Variants in YTHDF2 observed in about 807,000 individuals in gnomAD.
YTHDF2 encodes YTH domain-containing family protein 2.
A neutral mutation model predicts 50.4 loss-of-function variants in YTHDF2; 2 were observed. That is an observed-to-expected ratio of 0.04 (90% CI 0.02 to 0.12). The LOEUF (loss-of-function observed/expected upper bound fraction) is 0.12. Ranked by LOEUF, YTHDF2 falls within the 10% of genes least tolerant of loss-of-function variation. YTHDF2 has a pLI of 1.00. For missense variants in YTHDF2, 483 were observed against 722.6 expected (o/e 0.67, Z 3.80); for synonymous variants, 217 against 255.6 (o/e 0.85, Z 1.44).
intron 2 of YTHDF2, among the ~76,000 whole-genome samples, chr1:28,738,018 G>A (rs1333332550): frequency 6.6e-6 from 1 of 152,088 alleles, no homozygotes; most frequent in Non-Finnish European, 1.5e-5. Context: ...GAAGCGGGAG[G>A]GAATGGAAAT....
At chr1:28,740,815 T>G (rs1418468032) in intron 3 of YTHDF2, among the ~76,000 whole-genome samples, 1 of 151,232 alleles carries the variant, frequency 6.6e-6, no homozygotes, top group African/African-American at 2.4e-5. Context: ...ACCATTCTCC[T>G]GCCTCAGCCT....
chr1:28,763,867 TTTTG>T (rs1042162559), intron 4 of YTHDF2, among the ~76,000 whole-genome samples: 3 of 96,714 alleles, frequency 3.1e-5, no homozygotes, highest in African/African-American at 1.4e-4. Context: ...AAGAACCAAC[TTTTG>T]TTTTTTTTTT....
intron 4 of YTHDF2, among the ~76,000 whole-genome samples, chr1:28,766,004 T>C (rs907317186): frequency 6.6e-6 from 1 of 152,222 alleles, no homozygotes; most frequent in African/African-American, 2.4e-5. Flanking sequence ...ATTCAGACTT[T>C]ATCAGTTGTC....
At chr1:28,754,265 C>T (rs568521529) in intron 4 of YTHDF2, among the ~76,000 whole-genome samples, 2 of 152,280 alleles carry the variant, frequency 1.3e-5, no homozygotes, top group South Asian at 2.1e-4. Context: ...AGTTGGCTCA[C>T]GCCTCTAATT....
chr1:28,761,011 C>T (rs573828524), intron 4 of YTHDF2, among the ~76,000 whole-genome samples: 1 of 151,990 alleles, frequency 6.6e-6, no homozygotes, highest in African/African-American at 2.4e-5. Context: ...TACATCCTTA[C>T]AGTGGCTTCG....
chr1:28,742,555 A>G lies in YTHDF2; in HGVS notation c.285A>G (p.Gly95=), dbSNP rs1199791305. 2 of 1,614,094 alleles carry G rather than the reference A, an allele frequency of 1.2e-6. No homozygotes were observed. The highest frequency in any genetic ancestry group is 1.7e-6 in the Non-Finnish European group (2 of 1,180,006). Residue 95 remains glycine, a synonymous_variant, in exon 4 of 5, where the codon GGA becomes GGG. Coordinates refer to ENST00000373812, the MANE Select transcript of YTHDF2 (RefSeq NM_016258.3). ...YLTSYGQLSN[G]EPHFLPDAMF... is the part of the protein sequence containing the mutation. ...CTTCTTATGGACAGCTGAGCAACGG[A>G]GAGCCCCACTTCCTACCAGATGCAA...
At chr1:28,738,438 TC>T (rs1329697401) in intron 3 of YTHDF2, 100 bp downstream of exon 3, 8 of 1,147,620 alleles carry the variant, frequency 7.0e-6, no homozygotes, top group African/African-American at 1.6e-5. Context: ...CATTTTTTTT[TC>T]TTTTTTCTGT....
At chr1:28,760,059 G>T (rs1038985797) in intron 4 of YTHDF2, among the ~76,000 whole-genome samples, 1 of 152,152 alleles carries the variant, frequency 6.6e-6, no homozygotes, top group African/African-American at 2.4e-5. Context: ...CAGTATCAGT[G>T]TCTTAACCAC....
chr1:28,737,561 C>T (rs2087713293), intron 1 of YTHDF2, 97 bp from the exon 2 acceptor site: 2 of 1,558,992 alleles, frequency 1.3e-6, no homozygotes, highest in Admixed American at 1.7e-5. Context: ...CGGGCCTGCT[C>T]CTTTATTCTC....
chr1:28,757,530 A>G (rs1006685318), intron 4 of YTHDF2, among the ~76,000 whole-genome samples: 3 of 152,194 alleles, frequency 2.0e-5, no homozygotes, highest in Non-Finnish European at 2.9e-5. Flanking sequence ...GATTTTGCCT[A>G]TATCACTTGG....
intron 4 of YTHDF2, among the ~76,000 whole-genome samples, chr1:28,767,917 C>G (rs2088242720): frequency 6.8e-6 from 1 of 147,590 alleles, no homozygotes; most frequent in South Asian, 2.2e-4. Context: ...TTAAAAAATT[C>G]TGAGGCCGGG....
intron 4 of YTHDF2, among the ~76,000 whole-genome samples, chr1:28,766,215 C>T (rs774908248): frequency 6.6e-6 from 1 of 152,136 alleles, no homozygotes; most frequent in Non-Finnish European, 1.5e-5. Context: ...AAGTGATTTC[C>T]CAGGTTGCTG....
At chr1:28,768,865 T>C in intron 4 of YTHDF2, 64 bp from the exon 5 acceptor site, 1 of 1,324,256 alleles carries the variant, frequency 7.6e-7, no homozygotes, top group Non-Finnish European at 1.0e-6. Flanking sequence ...CTGTGAAGTT[T>C]TTAAATTCAT....
At chr1:28,740,272 T>C (rs530408828) in intron 3 of YTHDF2, 26 of 152,322 alleles carry the variant, frequency 1.7e-4, no homozygotes, top group Non-Finnish European at 2.8e-4. Flanking sequence ...AGGTAGTTCT[T>C]GTAAAACATT....
intron 4 of YTHDF2, among the ~76,000 whole-genome samples, chr1:28,748,192 G>A (rs1427066784): frequency 6.6e-6 from 1 of 151,494 alleles, no homozygotes; most frequent in Non-Finnish European, 1.5e-5. Context: ...TTGCTTCTAA[G>A]CCCAGTTACC....
chr1:28,767,765 C>A (rs1416598644), intron 4 of YTHDF2, among the ~76,000 whole-genome samples: 2 of 148,198 alleles, frequency 1.3e-5, no homozygotes, highest in African/African-American at 5.0e-5. Flanking sequence ...GCCTCGGCCT[C>A]CCAAAGTGCT....
chr1:28,737,962 C>T lies in YTHDF2; in HGVS notation c.52+280C>T, dbSNP rs566095787. 7.0e-5 allele frequency: 40 copies of T among 572,014 alleles called. No homozygotes were observed. In the South Asian group the frequency reaches 7.2e-4, roughly 10 times the overall value. The allele number at this position is 572,014 out of a possible 1,614,324, so 35.4% of individuals were successfully genotyped here. A position where few individuals can be genotyped will look rare whatever the true frequency, so the allele number is the denominator to read the frequency against. Reference sequence around the variant, plus strand: ...GTCTTAGAAGGCCTTTGTTTTTCATCCTCGTGGATCACTCTCTGGAAGTAC... The same window carrying T: ...GTCTTAGAAGGCCTTTGTTTTTCATTCTCGTGGATCACTCTCTGGAAGTAC... On this transcript the variant is annotated intron_variant, in intron 2 of 4. Coordinates refer to ENST00000373812, the MANE Select transcript of YTHDF2 (RefSeq NM_016258.3).
At chr1:28,739,224 ACTT>A (rs1239227929) in intron 3 of YTHDF2, 3 of 152,110 alleles carry the variant, frequency 2.0e-5, no homozygotes, top group African/African-American at 7.2e-5. Context: ...AGTCACCTGA[ACTT>A]CATTCAGTGC....
intron 4 of YTHDF2, among the ~76,000 whole-genome samples, chr1:28,753,443 G>T (rs2087988532): frequency 6.8e-6 from 1 of 147,464 alleles, no homozygotes; most frequent in South Asian, 2.1e-4. Context: ...AGTTGCTCAG[G>T]AGGCTGAGAC....
Sources: allele counts gnomAD v4.1 joint callset (sites outside exome capture counted in the v4.1 genomes callset), GRCh38; gene constraint gnomAD v4.1.1; transcripts MANE v1.5; gene names NCBI Gene and HGNC (gene_info 2026-07-23, HGNC 2026-07-21).